SDK1: variants seen among roughly 807,000 people sequenced by gnomAD.
SDK1 encodes sidekick cell adhesion molecule 1, also known as protein sidekick-1.
In SDK1, 157 loss-of-function variants were observed where a neutral mutation model predicts 245.5. That is an observed-to-expected ratio of 0.64 (90% CI 0.56 to 0.73). The LOEUF (loss-of-function observed/expected upper bound fraction) is 0.73, where lower values mean the gene tolerates loss of function less well. Ranked by LOEUF, SDK1 falls within the 30% of genes least tolerant of loss-of-function variation. The pLI, the probability that SDK1 is intolerant of heterozygous loss-of-function variation, is 0.00. For missense variants in SDK1, 3,583 were observed against 3,002.3 expected, an observed-to-expected ratio of 1.19 and a Z score of -4.52; for synonymous variants, 1,647 against 1,278.5, an observed-to-expected ratio of 1.29 and a Z score of -6.15.
chr7:4,238,268 C>G (rs1050954946), intron 42 of SDK1, among the ~76,000 whole-genome samples: 1 of 151,450 alleles, frequency 6.6e-6, no homozygotes, highest in Non-Finnish European at 1.5e-5. Flanking sequence ...TTAGTAGAGG[C>G]GGGGTTTCAC....
chr7:3,580,207 G>A (rs147283941), intron 1 of SDK1, among the ~76,000 whole-genome samples: 2 of 152,226 alleles, frequency 1.3e-5, no homozygotes, highest in East Asian at 1.9e-4. Context: ...CATTAAAATG[G>A]CCATAATACC....
At chr7:4,215,659 C>T (rs887320158) in intron 38 of SDK1, among the ~76,000 whole-genome samples, 1 of 152,222 alleles carries the variant, frequency 6.6e-6, no homozygotes, top group African/African-American at 2.4e-5. Flanking sequence ...GGTACGGGAG[C>T]TGGTTTGGTG....
intron 1 of SDK1, among the ~76,000 whole-genome samples, chr7:3,541,808 G>T (rs571968887): frequency 1.3e-5 from 2 of 152,186 alleles, no homozygotes; most frequent in Non-Finnish European, 2.9e-5. Context: ...TATTAACCCT[G>T]TGTGGTGTTG....
rs151085454 is a variant in SDK1 at position 3,725,759 on chromosome 7, G to C, written c.713+83654G>C. On this transcript the variant is annotated intron_variant, in intron 4 of 44. Transcript: ENST00000404826. Reference sequence around the variant, plus strand: ...GGAGAGAAGAAAATTGCTAGTACCAGTGTGGGAGTTGTACTGTCGTCTTCT... The same window carrying C: ...GGAGAGAAGAAAATTGCTAGTACCACTGTGGGAGTTGTACTGTCGTCTTCT... 3.0e-3 allele frequency among the ~76,000 whole-genome samples: 461 copies of C among 152,314 alleles called. 3 individuals are homozygous for C. Among genetic ancestry groups the C allele is most frequent in the African/African-American group, 0.011 (443 of 41,578 alleles).
chr7:3,409,024 A>T (rs1421362800), intron 1 of SDK1, among the ~76,000 whole-genome samples: 1 of 152,192 alleles, frequency 6.6e-6, no homozygotes, highest in Non-Finnish European at 1.5e-5. Context: ...CTGGCTTGTC[A>T]GGCTGCTAAA....
intron 36 of SDK1, among the ~76,000 whole-genome samples, chr7:4,207,536 T>A (rs956624852): frequency 6.6e-6 from 1 of 152,214 alleles, no homozygotes; most frequent in Non-Finnish European, 1.5e-5. Context: ...CTCCTGCCTG[T>A]TGTTTTTGAT....
chr7:3,480,353 A>G (rs1781477065), intron 1 of SDK1, among the ~76,000 whole-genome samples: 1 of 152,180 alleles, frequency 6.6e-6, no homozygotes, highest in Non-Finnish European at 1.5e-5. Flanking sequence ...TCGTGCACAT[A>G]TGCTCATGTA....
intron 17 of SDK1, among the ~76,000 whole-genome samples, chr7:4,043,826 G>A (rs1788819131): frequency 6.6e-6 from 1 of 152,038 alleles, no homozygotes; most frequent in Non-Finnish European, 1.5e-5. Context: ...TGGGCTTCGT[G>A]AAACCCCAGA....
chr7:3,804,348 C>T (rs1779186743), intron 4 of SDK1, among the ~76,000 whole-genome samples: 1 of 152,116 alleles, frequency 6.6e-6, no homozygotes, highest in African/African-American at 2.4e-5. Flanking sequence ...AAAAGACTTC[C>T]CTTCCTTCAC....
chr7:3,767,003 A>G (rs1442301916), intron 4 of SDK1, among the ~76,000 whole-genome samples: 1 of 152,234 alleles, frequency 6.6e-6, no homozygotes, highest in African/African-American at 2.4e-5. Flanking sequence ...AATTAGGAGC[A>G]TATTAGTAAT....
chr7:3,353,592 A>C (rs1300448256), intron 1 of SDK1, among the ~76,000 whole-genome samples: 6 of 152,140 alleles, frequency 3.9e-5, no homozygotes, highest in African/African-American at 1.4e-4. Context: ...ACAGTTCTGT[A>C]ACTGTAACTT....
At chr7:4,138,587 A>G (rs1779248684) in intron 28 of SDK1, among the ~76,000 whole-genome samples, 1 of 152,072 alleles carries the variant, frequency 6.6e-6, no homozygotes, top group Admixed American at 6.5e-5. Flanking sequence ...TTTCTACTAA[A>G]AATACAAAAA....
chr7:3,858,067 A>G (rs1411337908), intron 5 of SDK1, among the ~76,000 whole-genome samples: 1 of 152,224 alleles, frequency 6.6e-6, no homozygotes, highest in Non-Finnish European at 1.5e-5. Context: ...TCTGAAGTTA[A>G]TATGGAAGCC....
chr7:3,394,794 CCA>C (rs1781850413), intron 1 of SDK1, among the ~76,000 whole-genome samples: 1 of 151,866 alleles, frequency 6.6e-6, no homozygotes. Flanking sequence ...AATTTTACTT[CCA>C]GATTGTTTAT....
intron 4 of SDK1, among the ~76,000 whole-genome samples, chr7:3,733,659 A>G (rs1373312425): frequency 6.6e-6 from 1 of 152,174 alleles, no homozygotes; most frequent in Non-Finnish European, 1.5e-5. Context: ...CCCTTACTAC[A>G]GTGACTAGTA....
At chr7:3,865,239 G>A (rs1399429647) in intron 5 of SDK1, among the ~76,000 whole-genome samples, 1 of 152,196 alleles carries the variant, frequency 6.6e-6, no homozygotes, top group Non-Finnish European at 1.5e-5. Context: ...GTGGAAGCAG[G>A]GAGTGTGGGA....
chr7:4,218,298 C>T (rs1784947832), intron 38 of SDK1, among the ~76,000 whole-genome samples: 1 of 152,014 alleles, frequency 6.6e-6, no homozygotes, highest in Non-Finnish European at 1.5e-5. Flanking sequence ...GAGGCTAAGG[C>T]AGGAGAATCG....
chr7:4,083,020 C>T (rs1280245047), intron 22 of SDK1, among the ~76,000 whole-genome samples: 1 of 152,164 alleles, frequency 6.6e-6, no homozygotes, highest in African/African-American at 2.4e-5. Context: ...AAGTAGGATT[C>T]ACGCAGGGTT....
chr7:3,984,677 A>G (rs950392191), intron 13 of SDK1, among the ~76,000 whole-genome samples: 1 of 151,728 alleles, frequency 6.6e-6, no homozygotes, highest in African/African-American at 2.4e-5. Flanking sequence ...TCCAACTCCT[A>G]CTGTGTGTGT....
Sources: gnomAD v4.1 joint callset for allele counts (sites outside exome capture counted in the v4.1 genomes callset) on GRCh38, gnomAD v4.1.1 for gene constraint, MANE v1.5 for transcripts, NCBI Gene and HGNC (gene_info 2026-07-23, HGNC 2026-07-21) for gene names.